Variants in SLC44A5 observed in about 807,000 individuals in gnomAD.
SLC44A5 encodes choline transporter-like protein 5.
A neutral mutation model predicts 101.8 loss-of-function variants in SLC44A5; 57 were observed. That is an observed-to-expected ratio of 0.56 (90% CI 0.45 to 0.70). The LOEUF (loss-of-function observed/expected upper bound fraction) is 0.70, where lower values mean the gene tolerates loss of function less well. Ranked by LOEUF, SLC44A5 falls within the 30% of genes least tolerant of loss-of-function variation. The pLI is 0.00. For missense variants in SLC44A5, 737 were observed against 853.1 expected (o/e 0.86, Z 1.70); for synonymous variants, 281 against 290.9 (o/e 0.97, Z 0.35).
At chr1:75,402,387 G>A in intron 2 of SLC44A5, 1 of 375,388 alleles carries the variant, frequency 2.7e-6, no homozygotes, top group Non-Finnish European at 5.5e-6. Flanking sequence ...CACTACAAGA[G>A]GTGGCTGGCA....
rs1660744275 is a variant in SLC44A5, at chr1:75,378,167, C to T, written c.52+18416G>A. The stretch of plus-strand genomic sequence containing the variant: ...CGTCTACAGTCAGCCTTACAGTAAG[C>T]TTGTGCGCTCGGAAGAAGCTAGGGT... On this transcript the variant is annotated intron_variant, in intron 3 of 23. Transcript: ENST00000370859. Among the ~76,000 whole-genome samples the T allele has an allele frequency of 2.4e-5, 2 of 81,750 alleles. 1 individual carries two copies. Among genetic ancestry groups the T allele is most frequent in the African/African-American group, 1.6e-4 (2 of 12,384 alleles). The allele number at this position is 81,750 out of a possible 152,430, so 53.6% of individuals were successfully genotyped here. A position where few individuals can be genotyped will look rare whatever the true frequency, so the allele number is the denominator to read the frequency against.
chr1:75,220,426 G>T (rs1647054455), intron 14 of SLC44A5, among the ~76,000 whole-genome samples: 3 of 151,962 alleles, frequency 2.0e-5, no homozygotes, highest in Admixed American at 2.0e-4. Flanking sequence ...AACTTCTGGG[G>T]AAGAAATGAC....
chr1:75,616,196 T>G, the SLC44A5 span, among the ~76,000 whole-genome samples: 1 of 151,522 alleles, frequency 6.6e-6, no homozygotes, highest in East Asian at 2.0e-4. Context: ...CTGGGTCCCC[T>G]GAGCGCCCGC....
chr1:75,502,226 CAT>C (rs1485770016), intron 2 of SLC44A5, among the ~76,000 whole-genome samples: 1 of 152,224 alleles, frequency 6.6e-6, no homozygotes, highest in Non-Finnish European at 1.5e-5. Context: ...CATACACACA[CAT>C]GAAGCTTCTC....
At chr1:75,711,837 T>C in the SLC44A5 span, among the ~76,000 whole-genome samples, 1 of 152,236 alleles carries the variant, frequency 6.6e-6, no homozygotes, top group Non-Finnish European at 1.5e-5. Flanking sequence ...TCTTTGCTAC[T>C]TTGTCTCTCA....
intron 2 of SLC44A5, among the ~76,000 whole-genome samples, chr1:75,459,533 C>T (rs1326710466): frequency 6.6e-6 from 1 of 152,092 alleles, no homozygotes; most frequent in Non-Finnish European, 1.5e-5. Flanking sequence ...TGGTGAGGTG[C>T]AAGAAAGGTA....
At chr1:75,508,660 G>A (rs1669399304) in intron 2 of SLC44A5, among the ~76,000 whole-genome samples, 1 of 151,958 alleles carries the variant, frequency 6.6e-6, no homozygotes, top group South Asian at 2.1e-4. Context: ...AAATGAACAA[G>A]ATGACATTAC....
At chr1:75,550,042 A>C (rs1671854915) in intron 1 of SLC44A5, among the ~76,000 whole-genome samples, 1 of 152,154 alleles carries the variant, frequency 6.6e-6, no homozygotes, top group Non-Finnish European at 1.5e-5. Context: ...GAAGAAAAAA[A>C]CATAGTTTTC....
intron 4 of SLC44A5, among the ~76,000 whole-genome samples, chr1:75,329,997 T>C (rs1217436655): frequency 6.6e-6 from 1 of 151,906 alleles, no homozygotes; most frequent in East Asian, 1.9e-4. Context: ...ATCTAATATA[T>C]GCCCACAAAT....
At chr1:75,386,665 T>C (rs915236099) in intron 3 of SLC44A5, among the ~76,000 whole-genome samples, 5 of 152,100 alleles carry the variant, frequency 3.3e-5, no homozygotes, top group East Asian at 1.9e-4. Flanking sequence ...ATGCCATCCC[T>C]ATCAAGCTAC....
At chr1:75,282,486 T>C (rs1652684437) in intron 5 of SLC44A5, among the ~76,000 whole-genome samples, 2 of 152,116 alleles carry the variant, frequency 1.3e-5, no homozygotes, top group African/African-American at 2.4e-5. Flanking sequence ...GGCATAATTG[T>C]GTATTGAAAT....
intron 3 of SLC44A5, among the ~76,000 whole-genome samples, chr1:75,383,577 TGA>T (rs1314631825): frequency 6.6e-6 from 1 of 152,096 alleles, no homozygotes; most frequent in Non-Finnish European, 1.5e-5. Flanking sequence ...AATCTACGTC[TGA>T]TTGGTGTACC....
intron 5 of SLC44A5, among the ~76,000 whole-genome samples, chr1:75,284,546 T>C (rs1246707311): frequency 1.3e-5 from 2 of 152,124 alleles, no homozygotes; most frequent in Admixed American, 1.3e-4. Context: ...TAGTACTACA[T>C]TGAATAGAAG....
intron 2 of SLC44A5, among the ~76,000 whole-genome samples, chr1:75,465,941 C>T (rs1440095614): frequency 1.3e-5 from 2 of 152,164 alleles, no homozygotes; most frequent in Non-Finnish European, 2.9e-5. Context: ...CTGAATTCTA[C>T]AAACATTCAA....
At chr1:75,331,531 A>G (rs1657055663) in intron 4 of SLC44A5, among the ~76,000 whole-genome samples, 1 of 152,126 alleles carries the variant, frequency 6.6e-6, no homozygotes, top group Non-Finnish European at 1.5e-5. Context: ...CACTTATACA[A>G]CTGCAAAAGC....
intron 1 of SLC44A5, among the ~76,000 whole-genome samples, chr1:75,560,045 G>C (rs561764349): frequency 1.1e-3 from 167 of 152,212 alleles, no homozygotes; most frequent in Non-Finnish European, 1.9e-3. Context: ...AACAACTGTT[G>C]GTAAGGATGT....
At chr1:75,533,701 C>G (rs906583587) in intron 2 of SLC44A5, among the ~76,000 whole-genome samples, 4 of 152,114 alleles carry the variant, frequency 2.6e-5, no homozygotes, top group African/African-American at 9.7e-5. Context: ...TCTGTAAAAA[C>G]TCTTTGTCTT....
At chr1:75,470,698 T>A (rs1667058781) in intron 2 of SLC44A5, among the ~76,000 whole-genome samples, 1 of 149,558 alleles carries the variant, frequency 6.7e-6, no homozygotes, top group Non-Finnish European at 1.5e-5. Flanking sequence ...GCAGAGGAAA[T>A]GGAATGTCCA....
At chr1:75,488,024 C>T (rs533928573) in intron 2 of SLC44A5, among the ~76,000 whole-genome samples, 4 of 151,732 alleles carry the variant, frequency 2.6e-5, no homozygotes, top group East Asian at 1.9e-4. Flanking sequence ...AGGGGATCTA[C>T]GTTGTATGCT....
Sources: allele counts gnomAD v4.1 joint callset (sites outside exome capture counted in the v4.1 genomes callset), GRCh38; gene constraint gnomAD v4.1.1; transcripts MANE v1.5; gene names NCBI Gene and HGNC (gene_info 2026-07-23, HGNC 2026-07-21).